Variants in BNC2 observed in about 807,000 individuals in gnomAD.
The protein encoded by BNC2 is zinc finger protein basonuclin-2.
In BNC2, 20 loss-of-function variants were observed where a neutral mutation model predicts 76.3. The ratio of observed to expected loss-of-function variants is 0.26; its 90% CI spans 0.18 to 0.38. The LOEUF (loss-of-function observed/expected upper bound fraction) is 0.38. Among genes scored for constraint, BNC2 ranks in the 10% least tolerant of loss-of-function variants. The pLI, the probability that BNC2 is intolerant of heterozygous loss-of-function variation, is 1.00. For synonymous variants in BNC2, 582 were observed against 514.8 expected (o/e 1.13, Z -1.77); for missense variants, 1,382 against 1,399.8 (o/e 0.99, Z 0.20).
At chr9:16,833,519 T>C (rs1358046929) in intron 1 of BNC2, among the ~76,000 whole-genome samples, 1 of 152,200 alleles carries the variant, frequency 6.6e-6, no homozygotes, top group Admixed American at 6.5e-5. Flanking sequence ...CCTTTATGGT[T>C]CCTTTAGCCT....
chr9:16,471,607 T>C (rs1179618449), intron 5 of BNC2, among the ~76,000 whole-genome samples: 2 of 152,210 alleles, frequency 1.3e-5, no homozygotes, highest in Non-Finnish European at 2.9e-5. Context: ...CTTTTGATTT[T>C]ACAGGCCTGT....
intron 5 of BNC2, 37 bp from the exon 6 acceptor site, chr9:16,437,561 C>A (rs779111248): frequency 1.9e-6 from 3 of 1,601,882 alleles, no homozygotes; most frequent in Non-Finnish European, 2.5e-6. Context: ...AAGACAAACA[C>A]AAAAACTTAT....
chr9:16,861,506 G>A (rs1008726571), intron 1 of BNC2, among the ~76,000 whole-genome samples: 1 of 115,608 alleles, frequency 8.6e-6, no homozygotes, highest in Non-Finnish European at 1.7e-5. Flanking sequence ...GTGAAAAATG[G>A]CCAATGGAGA....
At chr9:16,484,759 A>AT (rs1487644328) in intron 5 of BNC2, among the ~76,000 whole-genome samples, 1 of 152,198 alleles carries the variant, frequency 6.6e-6, no homozygotes, top group African/African-American at 2.4e-5. Context: ...GCCACGACCT[A>AT]TATGTTCTCA....
intron 1 of BNC2, among the ~76,000 whole-genome samples, chr9:16,859,209 C>T (rs991173789): frequency 1.3e-5 from 2 of 151,614 alleles, no homozygotes; most frequent in African/African-American, 4.8e-5. Flanking sequence ...AAATAATAAG[C>T]TGTGAGGTTG....
intron 5 of BNC2, among the ~76,000 whole-genome samples, chr9:16,510,890 T>C (rs761023476): frequency 1.4e-4 from 21 of 152,304 alleles, no homozygotes; most frequent in East Asian, 5.8e-4. Flanking sequence ...AGATTTTACA[T>C]GGGCAAAATA....
intron 1 of BNC2, among the ~76,000 whole-genome samples, chr9:16,769,534 C>T (rs1825779739): frequency 1.3e-5 from 2 of 152,068 alleles, no homozygotes; most frequent in South Asian, 4.2e-4. Context: ...TGAGAGCCAA[C>T]GGAAAGGAGA....
chr9:16,592,697 G>T (rs1819965852), intron 3 of BNC2, among the ~76,000 whole-genome samples: 1 of 152,074 alleles, frequency 6.6e-6, no homozygotes, highest in Admixed American at 6.5e-5. Flanking sequence ...TTTAAAACAG[G>T]GAAAGGGTGG....
chr9:16,549,209 A>T (rs1210031982), intron 5 of BNC2, among the ~76,000 whole-genome samples: 1 of 152,202 alleles, frequency 6.6e-6, no homozygotes, highest in East Asian at 1.9e-4. Flanking sequence ...CTGTGTACAC[A>T]TAAAGGATGC....
At chr9:16,553,874 G>A (rs900811900) in intron 4 of BNC2, among the ~76,000 whole-genome samples, 1 of 152,154 alleles carries the variant, frequency 6.6e-6, no homozygotes, top group African/African-American at 2.4e-5. Context: ...AAGAGATGCT[G>A]CAAAGATTAG....
intron 1 of BNC2, among the ~76,000 whole-genome samples, chr9:16,813,125 T>A (rs1167555988): frequency 6.6e-6 from 1 of 151,912 alleles, no homozygotes; most frequent in African/African-American, 2.4e-5. Context: ...TGGAACCCTG[T>A]AGGCCGAGGT....
Position 16,448,971 on chromosome 9 carries a change from C to T in BNC2, c.670-11447G>A, listed in dbSNP as rs1465360838. ...CTGTATATTAATAAGCCACTATCAACGTAGAGATTATATATTTTATTGGGC... is the reference window on the plus strand; with the variant it reads ...CTGTATATTAATAAGCCACTATCAATGTAGAGATTATATATTTTATTGGGC... On this transcript the variant is annotated intron_variant, in intron 5 of 6. Coordinates refer to ENST00000380672, the MANE Select transcript of BNC2 (RefSeq NM_017637.6). Among the ~76,000 whole-genome samples, 9 of 152,072 alleles carry T rather than the reference C, an allele frequency of 5.9e-5. 1 individual carries two copies. In the East Asian group the frequency reaches 1.2e-3, roughly 20 times the overall value.
At chr9:16,854,038 G>C (rs1034431875) in intron 1 of BNC2, among the ~76,000 whole-genome samples, 1 of 152,136 alleles carries the variant, frequency 6.6e-6, no homozygotes, top group African/African-American at 2.4e-5. Flanking sequence ...TGGAGCCTAA[G>C]GACACCAGGC....
At chr9:16,744,691 C>T (rs1275489439) in intron 1 of BNC2, among the ~76,000 whole-genome samples, 1 of 152,066 alleles carries the variant, frequency 6.6e-6, no homozygotes, top group Non-Finnish European at 1.5e-5. Context: ...GAACTTTTGC[C>T]CTTGGACACA....
rs778665417 is a variant in BNC2, at chr9:16,437,222, T to C, written c.972A>G (p.Pro324=). The change falls in exon 6 of 7, where the codon CCA becomes CCG. Residue 324 remains proline (P), a synonymous_variant. Coordinates refer to ENST00000380672, the MANE Select transcript of BNC2 (RefSeq NM_017637.6). ...CTGAGACAGGGTTTATGTACTGGAA[T>C]GGAAGCAGAAATGCAAGGCTGTTTG... ...NIPNSLAFLL[P]FQYINPVSAP... is the part of the protein sequence containing the mutation. 4 of 1,614,156 alleles carry C rather than the reference T, an allele frequency of 2.5e-6. No homozygotes were observed. The highest frequency in any genetic ancestry group is 1.3e-5 in the African/African-American group (1 of 75,036).
At chr9:16,689,920 A>G (rs964274924) in intron 3 of BNC2, among the ~76,000 whole-genome samples, 1 of 152,220 alleles carries the variant, frequency 6.6e-6, no homozygotes, top group Non-Finnish European at 1.5e-5. Context: ...GAAATAAACA[A>G]ATTATCCAAC....
intron 3 of BNC2, among the ~76,000 whole-genome samples, chr9:16,690,414 G>A (rs1413881510): frequency 6.6e-6 from 1 of 152,150 alleles, no homozygotes; most frequent in East Asian, 1.9e-4. Context: ...CCGTGAGTGT[G>A]CCACTGCACT....
At chr9:16,532,088 A>C (rs1456425185) in intron 5 of BNC2, among the ~76,000 whole-genome samples, 1 of 152,006 alleles carries the variant, frequency 6.6e-6, no homozygotes, top group Non-Finnish European at 1.5e-5. Flanking sequence ...TTAACACATA[A>C]ATTATCAATA....
intron 3 of BNC2, among the ~76,000 whole-genome samples, chr9:16,657,333 A>G (rs1821958497): frequency 6.6e-6 from 1 of 152,190 alleles, no homozygotes; most frequent in Non-Finnish European, 1.5e-5. Context: ...AGAAAATCCA[A>G]AGACTTAAAG....
Sources: gnomAD v4.1 joint callset for allele counts (sites outside exome capture counted in the v4.1 genomes callset) on GRCh38, gnomAD v4.1.1 for gene constraint, MANE v1.5 for transcripts, NCBI Gene and HGNC (gene_info 2026-07-23, HGNC 2026-07-21) for gene names.